ANXA10: variants seen among roughly 807,000 people sequenced by gnomAD.
ANXA10 encodes annexin 14.
Under a neutral mutation model 53.5 loss-of-function variants are expected in ANXA10, and 49 were observed. That is an observed-to-expected ratio of 0.92 (90% CI 0.73 to 1.16). The LOEUF (loss-of-function observed/expected upper bound fraction) is 1.16, where lower values mean the gene tolerates loss of function less well. ANXA10 is among the 50% of genes most tolerant of loss of function. ANXA10 has a pLI of 0.00. For synonymous variants in ANXA10, 131 were observed against 128.9 expected (o/e 1.02, Z -0.11); for missense variants, 393 against 394.4 (o/e 1.00, Z 0.03).
intron 2 of ANXA10, among the ~76,000 whole-genome samples, chr4:168,136,748 G>C (rs1371834834): frequency 6.6e-6 from 1 of 152,158 alleles, no homozygotes; most frequent in Non-Finnish European, 1.5e-5. Flanking sequence ...TACCATTCTA[G>C]GATCTGAAGG....
At chr4:168,139,846 GAA>G (rs1417034084) in intron 3 of ANXA10, among the ~76,000 whole-genome samples, 1 of 152,136 alleles carries the variant, frequency 6.6e-6, no homozygotes, top group African/African-American at 2.4e-5. Flanking sequence ...GTCCCCAAAT[GAA>G]AAGTTTTGAT....
intron 11 of ANXA10, among the ~76,000 whole-genome samples, chr4:168,185,558 A>C (rs572087551): frequency 1.9e-4 from 29 of 152,222 alleles, no homozygotes; most frequent in Non-Finnish European, 3.4e-4. Context: ...TGATACTTTT[A>C]AACTTCATGC....
chr4:168,137,367 T>G (rs1464361215), intron 2 of ANXA10, among the ~76,000 whole-genome samples: 1 of 152,218 alleles, frequency 6.6e-6, no homozygotes, highest in Non-Finnish European at 1.5e-5. Context: ...GCTTTTAGTG[T>G]ACCCATCACC....
intron 1 of ANXA10, 61 bp from the exon 2 acceptor site, chr4:168,128,023 C>A: frequency 6.8e-7 from 1 of 1,469,764 alleles, no homozygotes; most frequent in Non-Finnish European, 9.5e-7. Context: ...TGTGCCCGGC[C>A]ACAATGTTGA....
chr4:168,151,709 A>C (rs1731500475), intron 3 of ANXA10, among the ~76,000 whole-genome samples: 1 of 152,210 alleles, frequency 6.6e-6, no homozygotes, highest in Non-Finnish European at 1.5e-5. Flanking sequence ...TTGAACTTGT[A>C]ATGTTCAGTT....
chr4:168,096,774 A>T (rs1056274939), intron 1 of ANXA10, among the ~76,000 whole-genome samples: 1 of 151,726 alleles, frequency 6.6e-6, no homozygotes, highest in Admixed American at 6.6e-5. Context: ...GCATCCCAAA[A>T]AGATGAGCTA....
chr4:168,157,673 A>G (rs1337866990), intron 3 of ANXA10, among the ~76,000 whole-genome samples: 1 of 152,156 alleles, frequency 6.6e-6, no homozygotes, highest in Admixed American at 6.6e-5. Flanking sequence ...ACTTGTCCTT[A>G]TAGATGAATT....
chr4:168,125,557 G>A (rs17635986), intron 1 of ANXA10, among the ~76,000 whole-genome samples: 101,708 of 151,934 alleles, frequency 0.67, 35,234 homozygotes, highest in African/African-American at 0.84. Flanking sequence ...ATGTGGTTTT[G>A]TGAATCCTGG....
chr4:168,170,650 T>C (rs1731965896), intron 6 of ANXA10, among the ~76,000 whole-genome samples: 1 of 152,144 alleles, frequency 6.6e-6, no homozygotes, highest in Non-Finnish European at 1.5e-5. Flanking sequence ...CACTTAAGTA[T>C]AGTAAAATTT....
At chr4:168,139,699 A>G (rs1731296933) in intron 3 of ANXA10, 119 bp downstream of exon 3, 2 of 629,982 alleles carry the variant, frequency 3.2e-6, no homozygotes, top group African/African-American at 1.8e-5. Context: ...AGACATCATT[A>G]TATGTCAGAT....
rs750566307 is a variant in ANXA10, at chr4:168,181,712, T to G, written c.754T>G (p.Phe252Val). Residue 252 changes from phenylalanine (F) to valine (V), a missense_variant, in exon 10 of 12, where the codon TTT becomes GTT. Physicochemically the swap from Phe to Val is conservative, Grantham distance 50. Transcript: ENST00000359299. ...VLCVRDKPAYFAYRLYSAIHD... is the reference protein window; with the variant it reads ...VLCVRDKPAYVAYRLYSAIHD... ...CTGTGTTCGAGACAAACCAGCCTATTTTGCTTATAGATTATATAGTGCAAT... is the reference window on the plus strand; with the variant it reads ...CTGTGTTCGAGACAAACCAGCCTATGTTGCTTATAGATTATATAGTGCAAT... 1 of 1,604,550 alleles carries G rather than the reference T, an allele frequency of 6.2e-7. No homozygotes were observed. Among genetic ancestry groups the G allele is most frequent in the South Asian group, 1.1e-5 (1 of 90,892 alleles).
At chr4:168,147,290 G>A (rs913606458) in intron 3 of ANXA10, among the ~76,000 whole-genome samples, 9 of 152,130 alleles carry the variant, frequency 5.9e-5, no homozygotes, top group African/African-American at 2.2e-4. Flanking sequence ...CATGGATCAG[G>A]CATTCAGTTT....
At chr4:168,173,965 C>T (rs1254411642) in intron 6 of ANXA10, among the ~76,000 whole-genome samples, 1 of 152,074 alleles carries the variant, frequency 6.6e-6, no homozygotes, top group East Asian at 1.9e-4. Context: ...TCAGTCAGAG[C>T]AGGGGATTGC....
intron 1 of ANXA10, among the ~76,000 whole-genome samples, chr4:168,121,187 G>A (rs192210206): frequency 1.5e-4 from 23 of 152,006 alleles, no homozygotes; most frequent in Admixed American, 7.2e-4. Context: ...CATTCTTTGA[G>A]TAAACATATG....
intron 1 of ANXA10, among the ~76,000 whole-genome samples, chr4:168,116,595 T>G (rs7695563): frequency 0.49 from 73,675 of 151,782 alleles, 18,975 homozygotes; most frequent in Non-Finnish European, 0.58. Context: ...GAAGTTTCAG[T>G]AAGCTACTGA....
intron 1 of ANXA10, among the ~76,000 whole-genome samples, chr4:168,122,211 T>C (rs971406787): frequency 1.3e-5 from 2 of 152,176 alleles, no homozygotes; most frequent in African/African-American, 2.4e-5. Flanking sequence ...TCCATATCCA[T>C]TGAAGTCTCT....
chr4:168,178,081 A>G, intron 8 of ANXA10, 98 bp downstream of exon 8: 1 of 1,163,406 alleles, frequency 8.6e-7, no homozygotes, highest in Non-Finnish European at 1.2e-6. Flanking sequence ...ACAAGGAAAT[A>G]GCGGAAAGTC....
intron 1 of ANXA10, among the ~76,000 whole-genome samples, chr4:168,100,786 A>G (rs932113074): frequency 6.6e-6 from 1 of 152,138 alleles, no homozygotes; most frequent in African/African-American, 2.4e-5. Flanking sequence ...TTTTGGGAAC[A>G]TTTCAGATTT....
At chr4:168,157,453 A>C (rs1731707749) in intron 3 of ANXA10, among the ~76,000 whole-genome samples, 1 of 152,112 alleles carries the variant, frequency 6.6e-6, no homozygotes, top group South Asian at 2.1e-4. Flanking sequence ...TTTTTAGTAG[A>C]GACAGGGTTT....
Sources: gnomAD v4.1 joint callset for allele counts (sites outside exome capture counted in the v4.1 genomes callset) on GRCh38, gnomAD v4.1.1 for gene constraint, MANE v1.5 for transcripts, NCBI Gene and HGNC (gene_info 2026-07-23, HGNC 2026-07-21) for gene names.